Variants in PIAS4 observed in about 807,000 individuals in gnomAD.
The protein encoded by PIAS4 is protein inhibitor of activated STAT 4, also known as E3 SUMO-protein ligase PIAS4.
PIAS4 carries 7 observed loss-of-function variants against 58.0 expected under a neutral mutation model. That is an observed-to-expected ratio of 0.12 (90% confidence interval 0.07 to 0.23). The LOEUF (loss-of-function observed/expected upper bound fraction) is 0.23. Among genes scored for constraint, PIAS4 ranks in the 10% least tolerant of loss-of-function variants. PIAS4 has a pLI of 1.00. For missense variants in PIAS4, 550 were observed against 709.5 expected (o/e 0.78, Z 2.55); for synonymous variants, 364 against 312.4 (o/e 1.17, Z -1.74).
rs1453062951 is a variant in PIAS4 at position 4,037,967 on chromosome 19, C to T, written c.*92C>T. The T allele has an allele frequency of 1.5e-6, 2 of 1,357,794 alleles. No homozygotes were observed. Among genetic ancestry groups the T allele is most frequent in the Non-Finnish European group, 2.0e-6 (2 of 1,011,612 alleles). 84.1% of individuals were successfully genotyped at this position (1,357,794 alleles called of 1,614,324 possible). A position where few individuals can be genotyped will look rare whatever the true frequency, so the allele number is the denominator to read the frequency against. On this transcript the variant is annotated 3_prime_UTR_variant, in exon 11 of 11. Transcript: ENST00000262971. The surrounding 1 kb of genome is among the most constrained non-coding windows in gnomAD (Gnocchi z 5.8). ...AGAGGGAGGAGTGACCTTTCTTTTT[C>T]TTTTTATTGTCGTTCGTTTTGTTTT...
chr19:4,010,986 TGACAGATGAGGACCC>T (rs2144903486), intron 1 of PIAS4, among the ~76,000 whole-genome samples: 1 of 152,306 alleles, frequency 6.6e-6, no homozygotes, highest in African/African-American at 2.4e-5. Context: ...AAATCAGAGC[TGACAGATGAGGACCC>T]GACAGTGGGC....
At position 4,037,469 on chromosome 19, in the gene PIAS4, G is replaced by A. The variant is rs145338811; in HGVS notation, c.1238G>A (p.Arg413His). 413 of 1,611,228 alleles carry A rather than the reference G, an allele frequency of 2.6e-4. No individual in the cohort carries two copies. The highest frequency in any genetic ancestry group is 3.1e-4 in the Non-Finnish European group (361 of 1,179,502). Residue 413 changes from arginine to histidine, a missense_variant, in exon 10 of 11, where the codon CGC becomes CAC. Coordinates refer to ENST00000262971, the MANE Select transcript of PIAS4 (RefSeq NM_015897.4). The surrounding 1 kb of genome is among the most constrained non-coding windows in gnomAD (Gnocchi z 5.8). Reference sequence around the variant, plus strand: ...TGCCCGATCCGCGCCGAAAAGGAGCGCAGCTGCAGCCCGCAGGGCGCCATC... The same window carrying A: ...TGCCCGATCCGCGCCGAAAAGGAGCACAGCTGCAGCCCGCAGGGCGCCATC... ...SWCPIRAEKE[R>H]SCSPQGAILV...
rs1235548548 is a variant in PIAS4, at chr19:4,013,529, AC to A, written c.454+184del. Among the ~76,000 whole-genome samples the A allele has an allele frequency of 6.6e-6, 1 of 152,008 alleles. No individual in the cohort carries two copies. The highest frequency in any genetic ancestry group is 6.6e-5 in the Admixed American group (1 of 15,266). ...AAAGGGACCATCTTTGATATTGGTC[AC>A]CCCTTGCTGTGTTACAAGTTACCCC... On this transcript the variant is annotated intron_variant, in intron 2 of 10. Coordinates refer to ENST00000262971, the MANE Select transcript of PIAS4 (RefSeq NM_015897.4). The surrounding 1 kb of genome is among the most constrained non-coding windows in gnomAD (Gnocchi z 5.1).
At chr19:4,022,321 G>T (rs2040117883) in intron 2 of PIAS4, among the ~76,000 whole-genome samples, 1 of 151,974 alleles carries the variant, frequency 6.6e-6, no homozygotes, top group Admixed American at 6.6e-5. Context: ...TGTTCAGCTA[G>T]AGTTTTGTTT....
Position 4,039,232 on chromosome 19 carries a change from G to T in PIAS4, c.*1357G>T, listed in dbSNP as rs888961416. The stretch of plus-strand genomic sequence containing the variant: ...TAAAGAAAGGGACGTGCATCTGGCC[G>T]AGGGCAGTTCAGTCTCACTGCAGAG... On this transcript the variant is annotated 3_prime_UTR_variant, in exon 11 of 11. Transcript: ENST00000262971. 1 of 138,834 alleles carries T rather than the reference G, an allele frequency of 7.2e-6. No homozygotes were observed. Among genetic ancestry groups the T allele is most frequent in the Non-Finnish European group, 1.5e-5 (1 of 66,844 alleles). 8.6% of individuals were successfully genotyped at this position (138,834 alleles called of 1,614,324 possible).
At chr19:4,015,887 A>G (rs552495349) in intron 2 of PIAS4, among the ~76,000 whole-genome samples, 12 of 152,316 alleles carry the variant, frequency 7.9e-5, no homozygotes, top group African/African-American at 2.9e-4. Flanking sequence ...GCGGTGCGGA[A>G]TGCTGGGCTG....
At chr19:4,018,360 C>T (rs531306917) in intron 2 of PIAS4, 1 of 152,242 alleles carries the variant, frequency 6.6e-6, no homozygotes, top group Non-Finnish European at 1.5e-5. Context: ...CATCTGCTCA[C>T]AGCGTTAAAT....
chr19:4,024,181 TCACTGGGGAGAGCCGGCAG>T (rs1350872712), intron 3 of PIAS4, 61 bp downstream of exon 3: 2 of 1,252,990 alleles, frequency 1.6e-6, no homozygotes, highest in Non-Finnish European at 2.3e-6. Flanking sequence ...TCTCCTGGGC[TCACTGGGGAGAGCCGGCAG>T]CCACGTCCAC....
In PIAS4 at chr19:4,038,381, C is replaced by G. The variant is rs2144951858; in HGVS notation, c.*506C>G. 6.6e-6 allele frequency: 1 copy of G among 151,998 alleles called. No homozygotes were observed. The highest frequency in any genetic ancestry group is 2.1e-4 in the South Asian group (1 of 4,812). The allele number at this position is 151,998 out of a possible 1,614,324, so 9.4% of individuals were successfully genotyped here. A position where few individuals can be genotyped will look rare whatever the true frequency, so the allele number is the denominator to read the frequency against. On this transcript the variant is annotated 3_prime_UTR_variant, in exon 11 of 11. Coordinates refer to ENST00000262971, the MANE Select transcript of PIAS4 (RefSeq NM_015897.4). This position sits in a 1 kb window ranked among gnomAD's most constrained non-coding sequence, Gnocchi z 4.1. ...CTGCAAATGCATCCTCGCCCAGAGACCCTCACGCGCCGAGCAGCGAGCGTT... is the reference window on the plus strand; with the variant it reads ...CTGCAAATGCATCCTCGCCCAGAGAGCCTCACGCGCCGAGCAGCGAGCGTT...
intron 1 of PIAS4, among the ~76,000 whole-genome samples, chr19:4,010,721 C>T (rs2039984667): frequency 6.6e-6 from 1 of 152,306 alleles, no homozygotes; most frequent in African/African-American, 2.4e-5. Context: ...CTCTGTGAGC[C>T]TCGGTTTCCT....
chr19:4,028,656 G>A lies in PIAS4; in HGVS notation c.672+56G>A, dbSNP rs548673645. 9 of 1,605,290 alleles carry A rather than the reference G, an allele frequency of 5.6e-6. No homozygotes were observed. The South Asian group carries it at 8.8e-5, about 16-fold the overall frequency. On this transcript the variant is annotated intron_variant, in intron 5 of 10. Coordinates refer to ENST00000262971, the MANE Select transcript of PIAS4 (RefSeq NM_015897.4). ...ACGGGTTTGGGGGGCGTGGAGGGAGGGTGGGGGCCGTCGGATTTCCCAGCC... is the reference window on the plus strand; with the variant it reads ...ACGGGTTTGGGGGGCGTGGAGGGAGAGTGGGGGCCGTCGGATTTCCCAGCC...
chr19:4,031,723 C>G (rs1453416732), intron 7 of PIAS4, among the ~76,000 whole-genome samples: 3 of 152,074 alleles, frequency 2.0e-5, no homozygotes, highest in Non-Finnish European at 4.4e-5. Context: ...CTTCCCACAG[C>G]CGGCCCCAGG....
chr19:4,035,793 T>TAACA (rs146713681), intron 9 of PIAS4, among the ~76,000 whole-genome samples: 1 of 3,114 alleles, frequency 3.2e-4, no homozygotes, highest in Non-Finnish European at 8.1e-4. Flanking sequence ...GTCCATACCA[T>TAACA]CACACACACC....
chr19:4,037,096 C>G lies in PIAS4; in HGVS notation c.1143-278C>G, dbSNP rs1258021220. Among the ~76,000 whole-genome samples, 1 of 152,250 alleles carries G rather than the reference C, an allele frequency of 6.6e-6. No individual in the cohort carries two copies. The highest frequency in any genetic ancestry group is 1.5e-5 in the Non-Finnish European group (1 of 68,040). ...ACCCCTGCAGCTGCCACACTCCCTGCTCTTGTGGGTAGTTGGGGGCCACTG... is the reference window on the plus strand; with the variant it reads ...ACCCCTGCAGCTGCCACACTCCCTGGTCTTGTGGGTAGTTGGGGGCCACTG... On this transcript the variant is annotated intron_variant, in intron 9 of 10. Coordinates refer to ENST00000262971, the MANE Select transcript of PIAS4 (RefSeq NM_015897.4). The surrounding 1 kb of genome is among the most constrained non-coding windows in gnomAD (Gnocchi z 5.8).
Position 4,024,216 on chromosome 19 carries a change from G to A in PIAS4, c.539+96G>A, listed in dbSNP as rs972773783. The A allele has an allele frequency of 3.3e-6, 3 of 896,108 alleles. No homozygotes were observed. The East Asian group carries it at 7.5e-5, about 22-fold the overall frequency. The allele number at this position is 896,108 out of a possible 1,614,324, so 55.5% of individuals were successfully genotyped here. On this transcript the variant is annotated intron_variant, in intron 3 of 10. Coordinates refer to ENST00000262971, the MANE Select transcript of PIAS4 (RefSeq NM_015897.4). ...GAGCCGGCAGCCACGTCCACTGCAG[G>A]CCTCGCTCGGGCTCAGTCCAGAACC...
At chr19:4,027,793 G>C (rs1236036664) in intron 3 of PIAS4, among the ~76,000 whole-genome samples, 2 of 152,022 alleles carry the variant, frequency 1.3e-5, no homozygotes, top group Non-Finnish European at 2.9e-5. Flanking sequence ...CAAGAGCTCC[G>C]CCAGCCTTGA....
At chr19:4,035,992 A>T (rs2040276261) in intron 9 of PIAS4, among the ~76,000 whole-genome samples, 1 of 144,392 alleles carries the variant, frequency 6.9e-6, no homozygotes, top group Non-Finnish European at 1.5e-5. Context: ...ACACACACAC[A>T]CATCTGTACA....
At chr19:4,020,839 G>A (rs1372700110) in intron 2 of PIAS4, among the ~76,000 whole-genome samples, 3 of 152,150 alleles carry the variant, frequency 2.0e-5, no homozygotes, top group Admixed American at 2.0e-4. Context: ...GTGCTACAGC[G>A]ATCCTCCCAC....
At position 4,038,763 on chromosome 19, in the gene PIAS4, G is replaced by T; in HGVS notation, c.*888G>T. On this transcript the variant is annotated 3_prime_UTR_variant, in exon 11 of 11. Transcript: ENST00000262971. The surrounding 1 kb of genome is among the most constrained non-coding windows in gnomAD (Gnocchi z 4.1). ...CCATACCCCGGTCCTTGGGGCATGGGTTGCGGTCGCTTCCCAAGGGGCAGC... is the reference window on the plus strand; with the variant it reads ...CCATACCCCGGTCCTTGGGGCATGGTTTGCGGTCGCTTCCCAAGGGGCAGC... 6.5e-6 allele frequency: 1 copy of T among 154,418 alleles called. No homozygotes were observed. The highest frequency in any genetic ancestry group is 1.4e-5 in the Non-Finnish European group (1 of 69,086). 9.6% of individuals were successfully genotyped at this position (154,418 alleles called of 1,614,324 possible).
Sources: allele counts gnomAD v4.1 joint callset (sites outside exome capture counted in the v4.1 genomes callset), GRCh38; gene constraint gnomAD v4.1.1; non-coding constraint Gnocchi (gnomAD v3.1); transcripts MANE v1.5; gene names NCBI Gene and HGNC (gene_info 2026-07-23, HGNC 2026-07-21).